Variants in IP6K1 observed in about 807,000 individuals in gnomAD.
The protein encoded by IP6K1 is inositol hexakisphosphate kinase 1, also known as ATP:1D-myo-inositol-hexakisphosphate phosphotransferase.
Under a neutral mutation model 38.3 loss-of-function variants are expected in IP6K1, and 13 were observed. The observed-to-expected ratio is 0.34, with a 90% CI of 0.22 to 0.54. The LOEUF (loss-of-function observed/expected upper bound fraction) is 0.54, where lower values mean the gene tolerates loss of function less well. IP6K1 is among the 20% of genes least tolerant of loss of function. IP6K1 has a pLI of 0.92. For missense variants in IP6K1, 397 were observed against 599.8 expected (o/e 0.66, Z 3.53); for synonymous variants, 212 against 229.9 (o/e 0.92, Z 0.70).
chr3:49,751,074 T>G (rs1392148728), intron 1 of IP6K1, among the ~76,000 whole-genome samples: 1 of 152,146 alleles, frequency 6.6e-6, no homozygotes, highest in African/African-American at 2.4e-5. Context: ...CCTGCAGGAT[T>G]TGCAGATGCA....
intron 2 of IP6K1, among the ~76,000 whole-genome samples, chr3:49,747,406 T>G (rs1465554492): frequency 2.0e-5 from 3 of 152,214 alleles, no homozygotes; most frequent in Non-Finnish European, 4.4e-5. Context: ...CCAACAATTC[T>G]TTGCCCCAGC....
At chr3:49,756,617 A>C (rs2080825520) in intron 1 of IP6K1, among the ~76,000 whole-genome samples, 1 of 152,122 alleles carries the variant, frequency 6.6e-6, no homozygotes, top group Non-Finnish European at 1.5e-5. Context: ...CAGGAGTTCG[A>C]GACCAGTCTG....
At chr3:49,755,063 G>A (rs1479019581) in intron 1 of IP6K1, among the ~76,000 whole-genome samples, 1 of 143,062 alleles carries the variant, frequency 7.0e-6, no homozygotes, top group Admixed American at 7.0e-5. Flanking sequence ...CTTCCAAGTA[G>A]TTGAAAACAC....
rs1361692384 is a variant in IP6K1, at chr3:49,727,498, C to T, written c.950G>A (p.Gly317Asp). 11 of 1,614,216 alleles carry T rather than the reference C, an allele frequency of 6.8e-6. No individual in the cohort carries two copies. Among genetic ancestry groups the T allele is most frequent in the Non-Finnish European group, 8.5e-6 (10 of 1,180,028 alleles). The change falls in exon 6 of 6, where the codon GGC becomes GAC. Residue 317 changes from glycine to aspartate, a missense_variant. Gly to Asp is a moderately conservative substitution (Grantham distance 94). Around this residue, in one of 3 missense-constraint regions of IP6K1, gnomAD observed 164 missense variants for 213.5 expected, o/e 0.77. Coordinates refer to ENST00000321599, the MANE Select transcript of IP6K1 (RefSeq NM_153273.4). The surrounding 1 kb of genome is among the most constrained non-coding windows in gnomAD (Gnocchi z 5.9). ...CTGCCGCTCCAGCACAGCTTTCAGGCCCCGCAGTTTGCTCAGGATAGGCTC... is the reference window on the plus strand; with the variant it reads ...CTGCCGCTCCAGCACAGCTTTCAGGTCCCGCAGTTTGCTCAGGATAGGCTC... ...LFEPILSKLR[G>D]LKAVLERQAS...
intron 1 of IP6K1, among the ~76,000 whole-genome samples, chr3:49,778,100 T>A (rs983908870): frequency 6.7e-6 from 1 of 148,312 alleles, no homozygotes; most frequent in African/African-American, 2.5e-5. Context: ...CCAAGGCGAG[T>A]GGATCACAAG....
At chr3:49,769,314 A>G (rs1455029265) in intron 1 of IP6K1, among the ~76,000 whole-genome samples, 1 of 152,194 alleles carries the variant, frequency 6.6e-6, no homozygotes, top group Non-Finnish European at 1.5e-5. Context: ...ATTCAAATAA[A>G]TCTTGATAAA....
chr3:49,732,718 T>C (rs2080573866), intron 4 of IP6K1, 73 bp downstream of exon 4: 10 of 1,285,848 alleles, frequency 7.8e-6, no homozygotes, highest in East Asian at 2.5e-5. Flanking sequence ...ACCTCAGCCA[T>C]AGGCAGAATG....
intron 2 of IP6K1, among the ~76,000 whole-genome samples, chr3:49,740,984 G>A (rs1305746090): frequency 1.3e-5 from 2 of 152,030 alleles, no homozygotes; most frequent in African/African-American, 2.4e-5. Flanking sequence ...GAGGAGCGGG[G>A]ATTACAGGTG....
At chr3:49,752,183 T>A (rs561523722) in intron 1 of IP6K1, among the ~76,000 whole-genome samples, 100 of 151,162 alleles carry the variant, frequency 6.6e-4, no homozygotes, top group South Asian at 1.0e-3. Flanking sequence ...TTAAAAAAAT[T>A]TTTTTTTTTT....
Position 49,776,369 on chromosome 3 carries a change from T to C in IP6K1, c.-129+9985A>G, listed in dbSNP as rs2081008513. Among the ~76,000 whole-genome samples, 3 of 151,752 alleles carry C rather than the reference T, an allele frequency of 2.0e-5. No individual in the cohort carries two copies. In the South Asian group the frequency reaches 6.2e-4, roughly 32 times the overall value. ...TCATCTCTACTAAAAATACAAAAAT[T>C]AGCCAGGCATGGTGGTGCATGTCTG... On this transcript the variant is annotated intron_variant, in intron 1 of 5. Coordinates refer to ENST00000321599, the MANE Select transcript of IP6K1 (RefSeq NM_153273.4).
intron 1 of IP6K1, among the ~76,000 whole-genome samples, chr3:49,773,475 G>A (rs950448745): frequency 3.3e-5 from 5 of 152,142 alleles, no homozygotes; most frequent in African/African-American, 1.2e-4. Flanking sequence ...GCTGGGCGTG[G>A]TGGCGGGCGC....
At chr3:49,740,856 C>CTT (rs557851334) in intron 2 of IP6K1, among the ~76,000 whole-genome samples, 16 of 138,872 alleles carry the variant, frequency 1.2e-4, no homozygotes, top group East Asian at 2.1e-4. Flanking sequence ...TTTCTTTTTT[C>CTT]TTTTTTTTTT....
At chr3:49,739,457 G>T (rs1218769763) in intron 2 of IP6K1, among the ~76,000 whole-genome samples, 5 of 150,820 alleles carry the variant, frequency 3.3e-5, no homozygotes, top group Non-Finnish European at 7.4e-5. Context: ...AGGTTCAAGC[G>T]ATTCTCTTGC....
At chr3:49,729,486 CAACCTCCGCCTCCTGGTATCA>C (rs1465872025) in intron 4 of IP6K1, among the ~76,000 whole-genome samples, 2 of 150,978 alleles carry the variant, frequency 1.3e-5, no homozygotes, top group African/African-American at 4.9e-5. Context: ...CAGCTCACCG[CAACCTCCGCCTCCTGGTATCA>C]AGTGATTCTC....
intron 2 of IP6K1, among the ~76,000 whole-genome samples, chr3:49,741,623 T>C (rs2080669741): frequency 6.6e-6 from 1 of 152,234 alleles, no homozygotes; most frequent in East Asian, 1.9e-4. Context: ...TCCAAGTGGC[T>C]AGGAAACTTT....
intron 4 of IP6K1, among the ~76,000 whole-genome samples, chr3:49,731,568 C>A (rs192014652): frequency 6.6e-6 from 1 of 152,128 alleles, no homozygotes; most frequent in Non-Finnish European, 1.5e-5. Flanking sequence ...CCCTGTGCTT[C>A]CACTTCCTCA....
At chr3:49,774,405 C>CT (rs1440109441) in intron 1 of IP6K1, among the ~76,000 whole-genome samples, 1 of 63,272 alleles carries the variant, frequency 1.6e-5, no homozygotes, top group Non-Finnish European at 2.8e-5. Flanking sequence ...TAGACTCCAT[C>CT]TCAAAAAAAA....
chr3:49,779,325 G>C (rs140431350), intron 1 of IP6K1, among the ~76,000 whole-genome samples: 30 of 152,310 alleles, frequency 2.0e-4, no homozygotes, highest in African/African-American at 5.5e-4. Context: ...TTATTGCAGA[G>C]TAATGTTCCC....
intron 2 of IP6K1, among the ~76,000 whole-genome samples, chr3:49,738,866 T>A (rs1559704202): frequency 6.6e-6 from 1 of 152,120 alleles, no homozygotes. Context: ...CACTTCTCCC[T>A]CCAAGACGGT....
Sources: gnomAD v4.1 joint callset for allele counts (sites outside exome capture counted in the v4.1 genomes callset) on GRCh38, gnomAD v4.1.1 for gene constraint, gnomAD v4.1.1 regional missense constraint, Gnocchi (gnomAD v3.1) non-coding constraint, MANE v1.5 for transcripts, NCBI Gene and HGNC (gene_info 2026-07-23, HGNC 2026-07-21) for gene names.